The following CACNA2D3 variants were observed in gnomAD, a reference collection of about 807,000 sequenced individuals.
The protein encoded by CACNA2D3 is calcium voltage-gated channel auxiliary subunit alpha2delta 3.
CACNA2D3 carries 60 observed loss-of-function variants against 160.6 expected under a neutral mutation model. The observed-to-expected ratio is 0.37, with a 90% CI of 0.30 to 0.46. The LOEUF (loss-of-function observed/expected upper bound fraction) is 0.46. Ranked by LOEUF, CACNA2D3 falls within the 20% of genes least tolerant of loss-of-function variation. The pLI, the probability that CACNA2D3 is intolerant of heterozygous loss-of-function variation, is 1.00. For synonymous variants in CACNA2D3, 558 were observed against 492.9 expected, an observed-to-expected ratio of 1.13 and a Z score of -1.75; for missense variants, 1,205 against 1,365.0, an observed-to-expected ratio of 0.88 and a Z score of 1.85.
chr3:54,952,068 A>G (rs1405662724), intron 27 of CACNA2D3, among the ~76,000 whole-genome samples: 1 of 152,120 alleles, frequency 6.6e-6, no homozygotes, highest in Non-Finnish European at 1.5e-5. Flanking sequence ...AGCTGCTCAC[A>G]AACTCGTGGC....
intron 4 of CACNA2D3, among the ~76,000 whole-genome samples, chr3:54,455,788 C>T (rs896588038): frequency 6.6e-6 from 1 of 152,088 alleles, no homozygotes; most frequent in African/African-American, 2.4e-5. Flanking sequence ...CATTCTTCTA[C>T]AAATGTATAT....
intron 2 of CACNA2D3, among the ~76,000 whole-genome samples, chr3:54,262,078 G>A (rs577461551): frequency 2.0e-5 from 3 of 152,244 alleles, no homozygotes; most frequent in African/African-American, 7.2e-5. Context: ...GCTCTCTAAG[G>A]AATTCTTCCA....
At chr3:55,043,924 C>CT in intron 35 of CACNA2D3, among the ~76,000 whole-genome samples, 1 of 152,268 alleles carries the variant, frequency 6.6e-6, no homozygotes, top group East Asian at 1.9e-4. Context: ...ATTCCAGTGA[C>CT]TATATATGTA....
chr3:54,397,656 G>C (rs1367997647), intron 4 of CACNA2D3, among the ~76,000 whole-genome samples: 3 of 75,458 alleles, frequency 4.0e-5, no homozygotes, highest in Middle Eastern at 9.1e-3. Flanking sequence ...CTGAGTTCTA[G>C]TTTGATTGCA....
chr3:54,879,658 T>C (rs1368447315), intron 20 of CACNA2D3, among the ~76,000 whole-genome samples: 1 of 152,234 alleles, frequency 6.6e-6, no homozygotes, highest in South Asian at 2.1e-4. Context: ...CAAGCAAATA[T>C]GCTTTGGGGG....
intron 2 of CACNA2D3, among the ~76,000 whole-genome samples, chr3:54,186,641 A>G (rs976401349): frequency 2.6e-5 from 4 of 152,142 alleles, no homozygotes; most frequent in African/African-American, 9.7e-5. Flanking sequence ...CTCTAATTAC[A>G]TCTCTAGTTT....
intron 4 of CACNA2D3, among the ~76,000 whole-genome samples, chr3:54,413,406 ATC>A (rs1373018845): frequency 7.5e-5 from 11 of 147,144 alleles, no homozygotes; most frequent in South Asian, 6.3e-4. Context: ...ATCTATATAT[ATC>A]TATATATATA....
chr3:54,511,132 A>C (rs971374234), intron 5 of CACNA2D3, among the ~76,000 whole-genome samples: 1 of 151,778 alleles, frequency 6.6e-6, no homozygotes, highest in Non-Finnish European at 1.5e-5. Context: ...TCCTTTCTCC[A>C]TTCTGGAAAG....
chr3:54,879,923 G>T (rs988384681), intron 20 of CACNA2D3, among the ~76,000 whole-genome samples: 1 of 152,088 alleles, frequency 6.6e-6, no homozygotes, highest in African/African-American at 2.4e-5. Flanking sequence ...TGCCTCATTG[G>T]CTGCTTTCAG....
Position 55,007,826 on chromosome 3 carries a change from A to G in CACNA2D3, c.2803A>G (p.Met935Val), listed in dbSNP as rs1486186550. ...NAFLSAVKWIMTELVLFLVEF... is the reference protein window; with the variant it reads ...NAFLSAVKWIVTELVLFLVEF... Reference sequence around the variant, plus strand: ...CTTCCTCTCTGCAGTAAAATGGATCATGACAGAACTTGTCTTGTAAGTAAA... The same window carrying G: ...CTTCCTCTCTGCAGTAAAATGGATCGTGACAGAACTTGTCTTGTAAGTAAA... The change falls in exon 33 of 38, where the codon ATG becomes GTG. Residue 935 changes from methionine to valine, a missense_variant. By Grantham distance (21) the Met-to-Val change is conservative. Coordinates refer to ENST00000474759, the MANE Select transcript of CACNA2D3 (RefSeq NM_018398.3). The G allele has an allele frequency of 6.4e-6, 10 of 1,557,030 alleles. No homozygotes were observed. The highest frequency in any genetic ancestry group is 8.7e-6 in the Non-Finnish European group (10 of 1,155,356).
chr3:54,170,403 G>A (rs185064503), intron 2 of CACNA2D3, among the ~76,000 whole-genome samples: 49 of 152,242 alleles, frequency 3.2e-4, no homozygotes, highest in African/African-American at 1.1e-3. Flanking sequence ...CTGAGTAAAC[G>A]TCAAAATATA....
intron 2 of CACNA2D3, among the ~76,000 whole-genome samples, chr3:54,218,945 C>G (rs950186234): frequency 4.6e-5 from 7 of 152,132 alleles, no homozygotes; most frequent in Non-Finnish European, 1.5e-5. Context: ...GATAATCTCC[C>G]TATCTCAAGA....
At chr3:54,405,804 G>C (rs372481818) in intron 4 of CACNA2D3, among the ~76,000 whole-genome samples, 15 of 151,560 alleles carry the variant, frequency 9.9e-5, no homozygotes, top group African/African-American at 1.9e-4. Context: ...TCATGTATCT[G>C]CTAAGGGTTA....
At chr3:54,622,315 G>A (rs1209222212) in intron 9 of CACNA2D3, among the ~76,000 whole-genome samples, 1 of 152,094 alleles carries the variant, frequency 6.6e-6, no homozygotes, top group African/African-American at 2.4e-5. Flanking sequence ...TCGCTCTTTC[G>A]CCCAGGCTGG....
intron 5 of CACNA2D3, among the ~76,000 whole-genome samples, chr3:54,539,368 G>A (rs1195639773): frequency 6.6e-6 from 1 of 152,200 alleles, no homozygotes; most frequent in East Asian, 1.9e-4. Context: ...TCCTTCTCCT[G>A]TGTTACTTCT....
chr3:54,620,455 A>G (rs991301354), intron 9 of CACNA2D3, among the ~76,000 whole-genome samples: 7 of 152,166 alleles, frequency 4.6e-5, no homozygotes, highest in Admixed American at 1.3e-4. Context: ...AGCAGCAGAC[A>G]CCATCTTTTG....
intron 3 of CACNA2D3, among the ~76,000 whole-genome samples, chr3:54,363,877 A>ATG (rs1412505702): frequency 6.6e-6 from 1 of 152,168 alleles, no homozygotes; most frequent in African/African-American, 2.4e-5. Flanking sequence ...TCCTCTTAGC[A>ATG]TGCTGGCTTT....
At chr3:54,196,301 A>G (rs1701079884) in intron 2 of CACNA2D3, among the ~76,000 whole-genome samples, 1 of 152,236 alleles carries the variant, frequency 6.6e-6, no homozygotes, top group South Asian at 2.1e-4. Flanking sequence ...AGAAGATGTC[A>G]CAAAGTGATT....
intron 2 of CACNA2D3, among the ~76,000 whole-genome samples, chr3:54,244,556 C>G (rs1389398479): frequency 7.2e-5 from 11 of 152,170 alleles, no homozygotes; most frequent in African/African-American, 2.4e-4. Flanking sequence ...TAATGCCTGG[C>G]TCATAGGTAA....
Sources: allele counts gnomAD v4.1 joint callset (sites outside exome capture counted in the v4.1 genomes callset), GRCh38; gene constraint gnomAD v4.1.1; transcripts MANE v1.5; gene names NCBI Gene and HGNC (gene_info 2026-07-23, HGNC 2026-07-21).